AUTS2: variants seen among roughly 807,000 people sequenced by gnomAD.
The protein encoded by AUTS2 is activator of transcription and developmental regulator AUTS2.
In AUTS2, 17 loss-of-function variants were observed where a neutral mutation model predicts 112.4. The ratio of observed to expected loss-of-function variants is 0.15; its 90% CI spans 0.10 to 0.23. The LOEUF is 0.23. Ranked by LOEUF, AUTS2 falls within the 10% of genes least tolerant of loss-of-function variation. The probability of loss-of-function intolerance (pLI) is 1.00; values close to 1 mark genes in which losing one functional copy is unlikely to be tolerated. For missense variants in AUTS2, 1,510 were observed against 1,701.6 expected (o/e 0.89, Z 1.98); for synonymous variants, 751 against 702.7 (o/e 1.07, Z -1.09).
At chr7:70,781,892 C>T (rs1791111708) in intron 15 of AUTS2, 136 bp downstream of exon 15, 7 of 1,067,204 alleles carry the variant, frequency 6.6e-6, no homozygotes, top group Non-Finnish European at 9.4e-6. Flanking sequence ...TGCAAGGCAA[C>T]ATCGCAGCAC....
intron 2 of AUTS2, among the ~76,000 whole-genome samples, chr7:70,081,727 T>C (rs1242665835): frequency 6.6e-6 from 1 of 152,186 alleles, no homozygotes; most frequent in African/African-American, 2.4e-5. Flanking sequence ...GAATGTTTTG[T>C]TTAACCTACT....
intron 1 of AUTS2, among the ~76,000 whole-genome samples, chr7:69,814,232 A>G (rs1038413670): frequency 6.6e-6 from 1 of 152,238 alleles, no homozygotes. Flanking sequence ...TAGTATACAC[A>G]TTTTGTGAAA....
chr7:70,426,449 G>A (rs1795441551), intron 4 of AUTS2, among the ~76,000 whole-genome samples: 1 of 152,126 alleles, frequency 6.6e-6, no homozygotes, highest in Admixed American at 6.5e-5. Context: ...GGCCCATTAT[G>A]AACGCAATCT....
intron 3 of AUTS2, among the ~76,000 whole-genome samples, chr7:70,126,977 C>G (rs1806007483): frequency 6.6e-6 from 1 of 152,102 alleles, no homozygotes; most frequent in Non-Finnish European, 1.5e-5. Context: ...CAGGCATACA[C>G]CACCACGCCT....
chr7:70,675,515 T>C (rs1319713893), intron 5 of AUTS2, among the ~76,000 whole-genome samples: 1 of 151,930 alleles, frequency 6.6e-6, no homozygotes, highest in Non-Finnish European at 1.5e-5. Context: ...AAAAGAAACG[T>C]TTGTTCCAGT....
intron 5 of AUTS2, among the ~76,000 whole-genome samples, chr7:70,530,414 G>A (rs1489944318): frequency 6.6e-6 from 1 of 152,208 alleles, no homozygotes; most frequent in Non-Finnish European, 1.5e-5. Context: ...CACCATCTGT[G>A]AGCATGGGTC....
chr7:70,680,621 C>T (rs1808160935), intron 5 of AUTS2, among the ~76,000 whole-genome samples: 1 of 152,196 alleles, frequency 6.6e-6, no homozygotes, highest in Non-Finnish European at 1.5e-5. Context: ...AGGTTGTCAG[C>T]TGTGAGTGAG....
intron 6 of AUTS2, among the ~76,000 whole-genome samples, chr7:70,757,715 C>A (rs1014833950): frequency 1.3e-5 from 2 of 151,362 alleles, no homozygotes; most frequent in Middle Eastern, 3.2e-3. Context: ...ACACACACCC[C>A]AGTTCCCTGT....
At chr7:69,824,138 G>A (rs1186910972) in intron 1 of AUTS2, among the ~76,000 whole-genome samples, 1 of 151,970 alleles carries the variant, frequency 6.6e-6, no homozygotes, top group African/African-American at 2.4e-5. Context: ...ATACGGCTGG[G>A]CACGGTGGCT....
chr7:69,926,846 A>G (rs1378691266), intron 2 of AUTS2, among the ~76,000 whole-genome samples: 1 of 146,764 alleles, frequency 6.8e-6, no homozygotes, highest in Non-Finnish European at 1.5e-5. Context: ...AAGATATATC[A>G]TGTATATATA....
chr7:70,398,368 C>T (rs1055334606), intron 4 of AUTS2, among the ~76,000 whole-genome samples: 2 of 152,178 alleles, frequency 1.3e-5, no homozygotes, highest in Non-Finnish European at 2.9e-5. Flanking sequence ...TGAGTCAAAC[C>T]ATGAACAAAG....
chr7:70,495,235 TAAAA>T (rs34861688), intron 5 of AUTS2, among the ~76,000 whole-genome samples: 5 of 102,768 alleles, frequency 4.9e-5, no homozygotes, highest in Admixed American at 2.1e-4. Context: ...ACCTTTTCTT[TAAAA>T]AAAAAAAAAA....
At chr7:70,058,455 C>T (rs1303058040) in intron 2 of AUTS2, among the ~76,000 whole-genome samples, 2 of 152,066 alleles carry the variant, frequency 1.3e-5, no homozygotes, top group African/African-American at 2.4e-5. Context: ...CTACGCATAG[C>T]ATTATTTCAA....
chr7:69,727,376 G>A (rs370145092), intron 1 of AUTS2, among the ~76,000 whole-genome samples: 8 of 152,014 alleles, frequency 5.3e-5, no homozygotes, highest in Non-Finnish European at 1.2e-4. Flanking sequence ...TGGATCACGA[G>A]GTCAGGAGTT....
rs983223632 is a variant in AUTS2 at position 69,801,486 on chromosome 7, T to C, written c.310-97800T>C. Among the ~76,000 whole-genome samples, 19 of 149,604 alleles carry C rather than the reference T, an allele frequency of 1.3e-4. 1 individual carries two copies. The highest frequency in any genetic ancestry group is 4.6e-4 in the African/African-American group (19 of 40,922). ...TACCTATATATAAAATATTTATACCTATATATGGTATATAAATGAATATAA... is the reference window on the plus strand; with the variant it reads ...TACCTATATATAAAATATTTATACCCATATATGGTATATAAATGAATATAA... On this transcript the variant is annotated intron_variant, in intron 1 of 18. Transcript: ENST00000342771.
chr7:70,034,560 C>T (rs1242531492), intron 2 of AUTS2, among the ~76,000 whole-genome samples: 1 of 152,172 alleles, frequency 6.6e-6, no homozygotes, highest in Non-Finnish European at 1.5e-5. Flanking sequence ...TGCATTAATA[C>T]TATTTATACT....
intron 1 of AUTS2, among the ~76,000 whole-genome samples, chr7:69,720,774 G>A (rs535786443): frequency 6.6e-6 from 1 of 152,244 alleles, no homozygotes; most frequent in South Asian, 2.1e-4. Flanking sequence ...CTGTTATTAC[G>A]GGAAAAGGAG....
At chr7:69,898,557 T>C (rs967122665) in intron 1 of AUTS2, among the ~76,000 whole-genome samples, 3 of 152,172 alleles carry the variant, frequency 2.0e-5, no homozygotes, top group Admixed American at 1.3e-4. Context: ...AGAACTCTTA[T>C]CAGGTCATGT....
intron 1 of AUTS2, among the ~76,000 whole-genome samples, chr7:69,845,050 G>C (rs1455901763): frequency 6.6e-6 from 1 of 152,160 alleles, no homozygotes; most frequent in African/African-American, 2.4e-5. Flanking sequence ...GAGGCCCAGG[G>C]TTTATTCAGA....
Sources: allele counts gnomAD v4.1 joint callset (sites outside exome capture counted in the v4.1 genomes callset), GRCh38; gene constraint gnomAD v4.1.1; transcripts MANE v1.5; gene names NCBI Gene and HGNC (gene_info 2026-07-23, HGNC 2026-07-21).